Variants in SULF1 observed in about 807,000 individuals in gnomAD.
SULF1 encodes extracellular sulfatase Sulf-1.
SULF1 carries 46 observed loss-of-function variants against 110.5 expected under a neutral mutation model. The observed-to-expected ratio is 0.42, with a 90% confidence interval of 0.33 to 0.53. The LOEUF is 0.53. Ranked by LOEUF, SULF1 falls within the 20% of genes least tolerant of loss-of-function variation. The pLI is 0.12. For missense variants in SULF1, 941 were observed against 1,094.2 expected, an observed-to-expected ratio of 0.86 and a Z score of 1.98; for synonymous variants, 371 against 387.1, an observed-to-expected ratio of 0.96 and a Z score of 0.49.
chr8:69,583,605 C>T (rs376165794), intron 6 of SULF1, among the ~76,000 whole-genome samples: 7 of 151,992 alleles, frequency 4.6e-5, no homozygotes, highest in East Asian at 3.9e-4. Context: ...CAAGCAAAAT[C>T]ACAAAATTTT....
chr8:69,547,907 G>GA (rs534428951), intron 3 of SULF1, among the ~76,000 whole-genome samples: 50 of 152,134 alleles, frequency 3.3e-4, no homozygotes, highest in African/African-American at 9.6e-4. Context: ...CAAATATCTG[G>GA]AAAAAAATCT....
intron 1 of SULF1, among the ~76,000 whole-genome samples, chr8:69,470,041 T>TA (rs1231818817): frequency 6.7e-6 from 1 of 149,848 alleles, no homozygotes; most frequent in East Asian, 1.9e-4. Flanking sequence ...AAACTCCGTC[T>TA]AAAAAACAAA....
At chr8:69,548,058 C>T (rs931037190) in intron 3 of SULF1, among the ~76,000 whole-genome samples, 10 of 152,030 alleles carry the variant, frequency 6.6e-5, no homozygotes, top group African/African-American at 9.7e-5. Context: ...TCTAATAAAC[C>T]GATGATGCCC....
chr8:69,642,965 G>A (rs1811596154), intron 22 of SULF1, among the ~76,000 whole-genome samples: 1 of 152,070 alleles, frequency 6.6e-6, no homozygotes, highest in South Asian at 2.1e-4. Flanking sequence ...GTTGTTGAAA[G>A]CATGCATGCA....
chr8:69,619,725 CAG>C (rs1298019898), intron 13 of SULF1, among the ~76,000 whole-genome samples: 2 of 152,236 alleles, frequency 1.3e-5, no homozygotes, highest in Non-Finnish European at 2.9e-5. Flanking sequence ...GGATGTGCAA[CAG>C]GGGTGTGGCA....
At chr8:69,491,146 C>T (rs1179997824), upstream of SULF1, among the ~76,000 whole-genome samples, 3 of 152,188 alleles carry the variant, frequency 2.0e-5, no homozygotes, top group Non-Finnish European at 4.4e-5. Context: ...AATGACACCA[C>T]GGTCGATCCA....
At chr8:69,564,675 GC>G (rs1001726640) in intron 5 of SULF1, among the ~76,000 whole-genome samples, 2 of 152,194 alleles carry the variant, frequency 1.3e-5, no homozygotes, top group African/African-American at 2.4e-5. Context: ...TAGATATGAT[GC>G]TTTTTTATTT....
Position 69,587,963 on chromosome 8 carries a change from A to G in SULF1, c.565-1009A>G, listed in dbSNP as rs1049849410. ...GGGGATAGCCTGTAGACTTGCCCTA[A>G]CAATGACATGCGGCACACACCATCC... On this transcript the variant is annotated intron_variant, in intron 7 of 22. Coordinates refer to ENST00000402687, the MANE Select transcript of SULF1 (RefSeq NM_001128205.2). Among the ~76,000 whole-genome samples, 6 of 152,188 alleles carry G rather than the reference A, an allele frequency of 3.9e-5. No homozygotes were observed. In the East Asian group the frequency reaches 1.2e-3, roughly 29 times the overall value.
intron 2 of SULF1, 42 bp downstream of exon 2, chr8:69,495,968 G>C (rs1237898228): frequency 6.6e-6 from 1 of 152,218 alleles, no homozygotes; most frequent in Non-Finnish European, 1.5e-5. Flanking sequence ...ACAACTGGAA[G>C]AATTTTAACA....
chr8:69,647,145 A>G (rs1811980631), intron 22 of SULF1, among the ~76,000 whole-genome samples: 1 of 151,538 alleles, frequency 6.6e-6, no homozygotes, highest in African/African-American at 2.4e-5. Flanking sequence ...GGGTTTCACC[A>G]TGTTCGTCAG....
At chr8:69,641,168 ATTTAT>A (rs1198470243) in intron 22 of SULF1, 1 of 240,252 alleles carries the variant, frequency 4.2e-6, no homozygotes, top group Non-Finnish European at 7.9e-6. Flanking sequence ...AGGGTGGGAG[ATTTAT>A]TTTCTTTGTG....
chr8:69,475,533 G>T (rs1027245327), intron 1 of SULF1, among the ~76,000 whole-genome samples: 17 of 152,128 alleles, frequency 1.1e-4, no homozygotes, highest in African/African-American at 3.9e-4. Flanking sequence ...TCAAATAGAG[G>T]ACAAAAGAGA....
intron 13 of SULF1, among the ~76,000 whole-genome samples, chr8:69,614,063 TTAAG>T (rs1808881652): frequency 6.6e-6 from 1 of 152,176 alleles, no homozygotes; most frequent in Non-Finnish European, 1.5e-5. Context: ...ATCACATTCT[TTAAG>T]TAATAAACCA....
intron 5 of SULF1, among the ~76,000 whole-genome samples, chr8:69,574,842 C>T (rs1805487244): frequency 6.6e-6 from 1 of 152,198 alleles, no homozygotes; most frequent in African/African-American, 2.4e-5. Context: ...ATTAGAAACC[C>T]TCCTCCTGTT....
At chr8:69,583,606 A>G (rs539222534) in intron 6 of SULF1, among the ~76,000 whole-genome samples, 20 of 152,238 alleles carry the variant, frequency 1.3e-4, no homozygotes, top group African/African-American at 4.6e-4. Flanking sequence ...AAGCAAAATC[A>G]CAAAATTTTT....
intron 12 of SULF1, 31 bp from the exon 13 acceptor site, chr8:69,604,772 C>A: frequency 6.2e-7 from 1 of 1,612,748 alleles, no homozygotes; most frequent in South Asian, 1.1e-5. Flanking sequence ...GATCACTTCT[C>A]ATGTACGAAG....
chr8:69,548,909 T>G (rs1814489844), intron 3 of SULF1, among the ~76,000 whole-genome samples: 1 of 152,172 alleles, frequency 6.6e-6, no homozygotes, highest in Non-Finnish European at 1.5e-5. Context: ...CCCCAATGAT[T>G]GTCACCACCT....
chr8:69,476,512 A>C (rs1212653412), intron 1 of SULF1, among the ~76,000 whole-genome samples: 3 of 152,238 alleles, frequency 2.0e-5, no homozygotes, highest in African/African-American at 7.2e-5. Flanking sequence ...AGTCAGCAAA[A>C]TCTGGAACTG....
At chr8:69,508,617 G>A (rs1269576798) in intron 3 of SULF1, among the ~76,000 whole-genome samples, 2 of 152,114 alleles carry the variant, frequency 1.3e-5, no homozygotes, top group Admixed American at 6.5e-5. Context: ...TATTTACAAA[G>A]CAAATAAGTG....
Sources: allele counts gnomAD v4.1 joint callset (sites outside exome capture counted in the v4.1 genomes callset), GRCh38; gene constraint gnomAD v4.1.1; transcripts MANE v1.5; gene names NCBI Gene and HGNC (gene_info 2026-07-23, HGNC 2026-07-21).